LRRFIP1: variants seen among roughly 807,000 people sequenced by gnomAD.
LRRFIP1 encodes leucine-rich repeat flightless-interacting protein 1.
In LRRFIP1, 62 loss-of-function variants were observed where a neutral mutation model predicts 104.4. The ratio of observed to expected loss-of-function variants is 0.59; its 90% confidence interval spans 0.48 to 0.73. The LOEUF (loss-of-function observed/expected upper bound fraction) is 0.73. Among genes scored for constraint, LRRFIP1 ranks in the 30% least tolerant of loss-of-function variants. LRRFIP1 has a pLI of 0.00. For missense variants in LRRFIP1, 796 were observed against 824.5 expected, an observed-to-expected ratio of 0.97 and a Z score of 0.42; for synonymous variants, 300 against 299.0, an observed-to-expected ratio of 1.00 and a Z score of -0.03.
At chr2:237,712,608 C>T (rs887733430) in intron 2 of LRRFIP1, among the ~76,000 whole-genome samples, 6 of 152,216 alleles carry the variant, frequency 3.9e-5, no homozygotes, top group African/African-American at 4.8e-5. Context: ...GGAATGTACT[C>T]GTGTGTGCGC....
chr2:237,748,554 T>A (rs1559773152), intron 12 of LRRFIP1, among the ~76,000 whole-genome samples, 155 bp downstream of exon 12: 1 of 151,898 alleles, frequency 6.6e-6, no homozygotes, highest in Non-Finnish European at 1.5e-5. Flanking sequence ...TTCCCGGAGG[T>A]AGGCCACCGG....
intron 1 of LRRFIP1, among the ~76,000 whole-genome samples, chr2:237,637,922 C>T (rs1307194182): frequency 1.3e-5 from 2 of 152,082 alleles, no homozygotes; most frequent in Admixed American, 1.3e-4. Flanking sequence ...TCCAGGTTGA[C>T]ACTCATCGTG....
chr2:237,723,816 A>G (rs1186766703), intron 7 of LRRFIP1, among the ~76,000 whole-genome samples: 2 of 152,194 alleles, frequency 1.3e-5, no homozygotes, highest in African/African-American at 4.8e-5. Flanking sequence ...TCTGTGCATG[A>G]ACACTCCCTC....
At chr2:237,634,226 T>C (rs2082781317) in intron 1 of LRRFIP1, among the ~76,000 whole-genome samples, 1 of 152,220 alleles carries the variant, frequency 6.6e-6, no homozygotes, top group South Asian at 2.1e-4. Context: ...TGTTTATAAA[T>C]AACATACATA....
chr2:237,682,294 G>A lies in LRRFIP1; in HGVS notation c.97-26250G>A, dbSNP rs79721705. Reference sequence around the variant, plus strand: ...GGAACAAAGTACTTGTTCATGCCAGGCTCAGGTCCCCTGTTACTTGCAGTC... The same window carrying A: ...GGAACAAAGTACTTGTTCATGCCAGACTCAGGTCCCCTGTTACTTGCAGTC... On this transcript the variant is annotated intron_variant, in intron 1 of 23. Transcript: ENST00000308482. Among the ~76,000 whole-genome samples, 522 of 152,174 alleles carry A rather than the reference G, an allele frequency of 3.4e-3. 10 individuals are homozygous for A. The East Asian group carries it at 0.047, about 14-fold the overall frequency.
At chr2:237,631,638 T>C (rs2082355223) in intron 1 of LRRFIP1, among the ~76,000 whole-genome samples, 1 of 152,136 alleles carries the variant, frequency 6.6e-6, no homozygotes, top group African/African-American at 2.4e-5. Flanking sequence ...TAGATTTTCC[T>C]CTCCTACCGC....
chr2:237,635,503 A>G (rs1487801311), intron 1 of LRRFIP1, among the ~76,000 whole-genome samples: 1 of 152,196 alleles, frequency 6.6e-6, no homozygotes, highest in East Asian at 1.9e-4. Context: ...ACTAGTCAAT[A>G]AAATAAACTA....
intron 1 of LRRFIP1, among the ~76,000 whole-genome samples, chr2:237,648,319 A>C (rs536505716): frequency 1.1e-4 from 16 of 151,710 alleles, no homozygotes; most frequent in Admixed American, 2.0e-4. Context: ...TTCTCTCCTG[A>C]CACCCTAATG....
Position 237,748,418 on chromosome 2 carries a change from A to T in LRRFIP1, c.669+19A>T. On this transcript the variant is annotated intron_variant, in intron 12 of 23. Transcript: ENST00000308482. ...TGAGAAGGTAAGGAATCGTTCATAA[A>T]CCTAGAGGGTCCCAAAAGTTGTGGA... 2 of 1,583,750 alleles carry T rather than the reference A, an allele frequency of 1.3e-6. No individual in the cohort carries two copies. The highest frequency in any genetic ancestry group is 1.7e-6 in the Non-Finnish European group (2 of 1,169,824).
intron 23 of LRRFIP1, among the ~76,000 whole-genome samples, chr2:237,778,648 G>A (rs1426355015): frequency 6.6e-6 from 1 of 152,196 alleles, no homozygotes; most frequent in Non-Finnish European, 1.5e-5. Context: ...CTGGGCGTGT[G>A]GCTCACGCCT....
Position 237,753,434 on chromosome 2 carries a change from A to G in LRRFIP1, c.993A>G (p.Glu331=), listed in dbSNP as rs2058871353. 6.3e-7 allele frequency: 1 copy of G among 1,599,534 alleles called. No individual in the cohort carries two copies. The highest frequency in any genetic ancestry group is 2.2e-5 in the East Asian group (1 of 44,708). Residue 331 remains glutamate (E), a synonymous_variant, in exon 15 of 24, where the codon GAA becomes GAG. Coordinates refer to ENST00000308482, the MANE Select transcript of LRRFIP1 (RefSeq NM_001137550.2). ...DTLKDMLLEL[E]EQLAESRRQY... Reference sequence around the variant, plus strand: ...TAAAAGATATGTTGCTGGAGCTTGAAGAACAGCTGGCTGAATCTAGGCGGC... The same window carrying G: ...TAAAAGATATGTTGCTGGAGCTTGAGGAACAGCTGGCTGAATCTAGGCGGC...
At chr2:237,719,817 T>C (rs1340292068) in intron 5 of LRRFIP1, among the ~76,000 whole-genome samples, 2 of 152,196 alleles carry the variant, frequency 1.3e-5, no homozygotes, top group Non-Finnish European at 2.9e-5. Flanking sequence ...TATTAATATA[T>C]TCATGACAGC....
intron 1 of LRRFIP1, among the ~76,000 whole-genome samples, chr2:237,697,189 A>C (rs2093246814): frequency 6.6e-6 from 1 of 151,976 alleles, no homozygotes; most frequent in Non-Finnish European, 1.5e-5. Context: ...CACCCGGCTA[A>C]TTTTTGTATT....
chr2:237,765,379 T>G, intron 19 of LRRFIP1: 7 of 645,336 alleles, frequency 1.1e-5, no homozygotes, highest in Non-Finnish European at 1.3e-5. Context: ...AAGGCTGCAG[T>G]GAGCTATGAT....
In LRRFIP1 at chr2:237,661,734, C is replaced by T. The variant is rs540651834; in HGVS notation, c.96+33994C>T. 6.6e-6 allele frequency among the ~76,000 whole-genome samples: 1 copy of T among 152,322 alleles called. No homozygotes were observed. The highest frequency in any genetic ancestry group is 2.1e-4 in the South Asian group (1 of 4,824). ...CGGGAGTGGGCACACATTCTCTGTGCTGTGCATGGGGACAGCTCCAGGAAG... is the reference window on the plus strand; with the variant it reads ...CGGGAGTGGGCACACATTCTCTGTGTTGTGCATGGGGACAGCTCCAGGAAG... On this transcript the variant is annotated intron_variant, in intron 1 of 23. Transcript: ENST00000308482. This position sits in a 1 kb window ranked among gnomAD's most constrained non-coding sequence, Gnocchi z 4.4.
Position 237,717,664 on chromosome 2 carries a change from A to T in LRRFIP1, c.202-98A>T. On this transcript the variant is annotated intron_variant, in intron 3 of 23. Coordinates refer to ENST00000308482, the MANE Select transcript of LRRFIP1 (RefSeq NM_001137550.2). The surrounding 1 kb of genome is among the most constrained non-coding windows in gnomAD (Gnocchi z 4.2). ...CGTGTTACCTTCACCACACGGCTGG[A>T]TGGCGGTTTGGAAATGCATGTCAGA... 1 of 936,460 alleles carries T rather than the reference A, an allele frequency of 1.1e-6. No homozygotes were observed. The highest frequency in any genetic ancestry group is 1.8e-6 in the Non-Finnish European group (1 of 561,690). The allele number at this position is 936,460 out of a possible 1,614,324, so 58.0% of individuals were successfully genotyped here. A position where few individuals can be genotyped will look rare whatever the true frequency, so the allele number is the denominator to read the frequency against.
chr2:237,646,843 GC>G (rs1431918933), intron 1 of LRRFIP1, among the ~76,000 whole-genome samples: 1 of 151,992 alleles, frequency 6.6e-6, no homozygotes, highest in East Asian at 1.9e-4. Context: ...TGTTGTTTAA[GC>G]CACCCAGTCT....
intron 5 of LRRFIP1, 144 bp downstream of exon 5, chr2:237,719,711 A>G (rs2094470798): frequency 1.8e-6 from 1 of 551,460 alleles, no homozygotes. Flanking sequence ...TTAATGATAG[A>G]ATACTGATAT....
chr2:237,777,888 C>T (rs1027854959), intron 23 of LRRFIP1, among the ~76,000 whole-genome samples: 1 of 152,094 alleles, frequency 6.6e-6, no homozygotes, highest in African/African-American at 2.4e-5. Context: ...TATCTCCTTA[C>T]CTCTCTCTAT....
Sources: allele counts gnomAD v4.1 joint callset (sites outside exome capture counted in the v4.1 genomes callset), GRCh38; gene constraint gnomAD v4.1.1; non-coding constraint Gnocchi (gnomAD v3.1); transcripts MANE v1.5; gene names NCBI Gene and HGNC (gene_info 2026-07-23, HGNC 2026-07-21).